ZDBF2: variants seen among roughly 807,000 people sequenced by gnomAD.
ZDBF2 encodes the protein zinc finger DBF-type containing 2.
ZDBF2 carries 6 observed loss-of-function variants against 9.4 expected under a neutral mutation model. The ratio of observed to expected loss-of-function variants is 0.64; its 90% CI spans 0.35 to 1.27. The LOEUF (loss-of-function observed/expected upper bound fraction) is 1.27. Among genes scored for constraint, ZDBF2 ranks in the 50% most tolerant of loss-of-function variants. The pLI is 0.03. For synonymous variants in ZDBF2, 905 were observed against 946.3 expected, an observed-to-expected ratio of 0.96 and a Z score of 0.80; for missense variants, 2,697 against 2,766.8, an observed-to-expected ratio of 0.97 and a Z score of 0.57.
chr2:206,283,502 G>A (rs116266227), intron 3 of ZDBF2, among the ~76,000 whole-genome samples: 1 of 151,938 alleles, frequency 6.6e-6, no homozygotes, highest in Non-Finnish European at 1.5e-5. Flanking sequence ...TTGGGCATTT[G>A]TATATCTTGT....
In ZDBF2 at chr2:206,308,706, A is replaced by G. The variant is rs1164474176; in HGVS notation, c.4178A>G (p.Glu1393Gly). ...KPVKEINLWK[E>G]DHIYLEDKSY... ...GTCAAAGAAATAAATCTTTGGAAGGAAGACCATATTTACCTGGAAGATAAG... is the reference window on the plus strand; with the variant it reads ...GTCAAAGAAATAAATCTTTGGAAGGGAGACCATATTTACCTGGAAGATAAG... The change falls in exon 5 of 5, where the codon GAA (glutamate) becomes GGA (glycine). Residue 1393 changes from glutamate to glycine, a missense_variant. Transcript: ENST00000374423. 3.1e-6 allele frequency: 5 copies of G among 1,612,858 alleles called. No individual in the cohort carries two copies. Among genetic ancestry groups the G allele is most frequent in the Non-Finnish European group, 4.2e-6 (5 of 1,179,782 alleles).
chr2:206,302,968 C>T (rs1692579610), intron 4 of ZDBF2, among the ~76,000 whole-genome samples: 1 of 152,030 alleles, frequency 6.6e-6, no homozygotes, highest in Non-Finnish European at 1.5e-5. Context: ...GGAAATAGTA[C>T]AGAGTGTGCC....
At position 206,305,457 on chromosome 2, in the gene ZDBF2, C is replaced by A. The variant is rs541984086; in HGVS notation, c.929C>A (p.Pro310Gln). The A allele has an allele frequency of 6.2e-7, 1 of 1,612,948 alleles. No individual in the cohort carries two copies. The highest frequency in any genetic ancestry group is 2.2e-5 in the East Asian group (1 of 44,866). ...VKSPSKLAVN[P>Q]NKTDMPSNKG... ...TCTCCTTCCAAATTAGCAGTAAACC[C>A]GAATAAAACTGACATGCCTTCTAAT... The change falls in exon 5 of 5, where the codon CCG (proline) becomes CAG (glutamine). Residue 310 changes from proline (P) to glutamine (Q), a missense_variant. By Grantham distance (76) the Pro-to-Gln change is moderately conservative (BLOSUM62 -1). Around this residue, in one of 3 missense-constraint regions of ZDBF2, gnomAD observed 910 missense variants for 973.6 expected, o/e 0.93. Transcript: ENST00000374423.
At position 206,308,752 on chromosome 2, in the gene ZDBF2, T is replaced by C. The variant is rs1203839889; in HGVS notation, c.4224T>C (p.Phe1408=). 7 of 1,613,600 alleles carry C rather than the reference T, an allele frequency of 4.3e-6. No homozygotes were observed. The highest frequency in any genetic ancestry group is 5.1e-6 in the Non-Finnish European group (6 of 1,179,792). Residue 1408 remains phenylalanine (F), a synonymous_variant, in exon 5 of 5, where the codon TTT becomes TTC. Coordinates refer to ENST00000374423, the MANE Select transcript of ZDBF2 (RefSeq NM_020923.3). ...ATAAGAGCTATAAATTAGGTGATTT[T>C]GATGTAAGTTATGCTTCTCATATTC... ...LEDKSYKLGD[F]DVSYASHIPV...
chr2:206,311,155 G>C lies in ZDBF2; in HGVS notation c.6627G>C (p.Glu2209Asp), dbSNP rs753390352. ...ILQQKPRKAS[E>D]KQSIWIRTKP... ...AGCAAAAACCCAGAAAAGCTTCAGA[G>C]AAACAGTCAATTTGGATTCGGACCA... The change falls in exon 5 of 5, where the codon GAG becomes GAC. Residue 2209 changes from glutamate to aspartate, a missense_variant. Around this residue, in one of 3 missense-constraint regions of ZDBF2, gnomAD observed 1,783 missense variants for 1,776.5 expected, o/e 1.00. Transcript: ENST00000374423. The C allele has an allele frequency of 8.7e-6, 14 of 1,613,024 alleles. No individual in the cohort carries two copies. The Admixed American group carries it at 1.0e-4, about 12-fold the overall frequency.
Position 206,309,071 on chromosome 2 carries a change from G to C in ZDBF2, c.4543G>C (p.Gly1515Arg), listed in dbSNP as rs770801818. ...PFQIVVNQFP[G>R]SVKETHLPKV... is the part of the protein sequence containing the mutation. ...TCAAATAGTAGTTAACCAATTTCCAGGATCAGTCAAAGAAACCCACCTTCC... is the reference window on the plus strand; with the variant it reads ...TCAAATAGTAGTTAACCAATTTCCACGATCAGTCAAAGAAACCCACCTTCC... Residue 1515 changes from glycine to arginine, a missense_variant, in exon 5 of 5, where the codon GGA becomes CGA. This residue lies in a region of ZDBF2 where 1,783 missense variants were observed against 1,776.5 expected (regional missense o/e 1.00). Coordinates refer to ENST00000374423, the MANE Select transcript of ZDBF2 (RefSeq NM_020923.3). 6.2e-7 allele frequency: 1 copy of C among 1,613,886 alleles called. No individual in the cohort carries two copies. The highest frequency in any genetic ancestry group is 2.2e-5 in the East Asian group (1 of 44,876).
At chr2:206,293,738 A>G (rs1311281914) in intron 3 of ZDBF2, among the ~76,000 whole-genome samples, 5 of 152,220 alleles carry the variant, frequency 3.3e-5, no homozygotes, top group Non-Finnish European at 5.9e-5. Flanking sequence ...AATAGCTAAA[A>G]TTAAAGAGAC....
At chr2:206,295,529 G>A (rs1342959231) in intron 3 of ZDBF2, among the ~76,000 whole-genome samples, 2 of 151,416 alleles carry the variant, frequency 1.3e-5, no homozygotes, top group African/African-American at 4.9e-5. Context: ...ACCATGCCTG[G>A]GTAATTTTTA....
At chr2:206,290,582 G>A (rs1313354942) in intron 3 of ZDBF2, among the ~76,000 whole-genome samples, 2 of 152,046 alleles carry the variant, frequency 1.3e-5, no homozygotes, top group East Asian at 1.9e-4. Context: ...AAATTTATTC[G>A]TAAGCATTTT....
rs1237033895 is a variant in ZDBF2 at position 206,307,921 on chromosome 2, C to T, written c.3393C>T (p.Pro1131=). 6.2e-7 allele frequency: 1 copy of T among 1,613,610 alleles called. No homozygotes were observed. Among genetic ancestry groups the T allele is most frequent in the South Asian group, 1.1e-5 (1 of 91,046 alleles). The change falls in exon 5 of 5, where the codon CCC becomes CCT. Residue 1131 remains proline (P), a synonymous_variant. Coordinates refer to ENST00000374423, the MANE Select transcript of ZDBF2 (RefSeq NM_020923.3). ...DVSVQSVADQ[P]KVAIKHVNLG... ...CTGTCCAATCTGTGGCTGATCAACCCAAAGTAGCTATTAAACATGTGAACC... is the reference window on the plus strand; with the variant it reads ...CTGTCCAATCTGTGGCTGATCAACCTAAAGTAGCTATTAAACATGTGAACC...
Position 206,304,699 on chromosome 2 carries a change from T to C in ZDBF2, c.189-18T>C, listed in dbSNP as rs750682601. The C allele has an allele frequency of 1.1e-5, 18 of 1,582,182 alleles. No homozygotes were observed. Among genetic ancestry groups the C allele is most frequent in the Non-Finnish European group, 1.5e-5 (17 of 1,168,072 alleles). Reference sequence around the variant, plus strand: ...AGACATTAGAATATGTTTATGAGTTTCCCCCCTTTCGTTTTAGTTCAACAC... The same window carrying C: ...AGACATTAGAATATGTTTATGAGTTCCCCCCCTTTCGTTTTAGTTCAACAC... On this transcript the variant is annotated intron_variant, in intron 4 of 4. Coordinates refer to ENST00000374423, the MANE Select transcript of ZDBF2 (RefSeq NM_020923.3).
Position 206,277,161 on chromosome 2 carries a change from T to C in ZDBF2, c.-103+2215T>C, listed in dbSNP as rs149699276. On this transcript the variant is annotated intron_variant, in intron 1 of 4. Coordinates refer to ENST00000374423, the MANE Select transcript of ZDBF2 (RefSeq NM_020923.3). Reference sequence around the variant, plus strand: ...GTTGAAAAATATGTTTTATGAGGATTGTGGGTTTTGTTAGTTCTTACCACA... The same window carrying C: ...GTTGAAAAATATGTTTTATGAGGATCGTGGGTTTTGTTAGTTCTTACCACA... Among the ~76,000 whole-genome samples, 3 of 152,268 alleles carry C rather than the reference T, an allele frequency of 2.0e-5. No individual in the cohort carries two copies. The East Asian group carries it at 5.8e-4, about 29-fold the overall frequency.
At chr2:206,275,498 T>A (rs533588137) in intron 1 of ZDBF2, among the ~76,000 whole-genome samples, 2 of 152,286 alleles carry the variant, frequency 1.3e-5, no homozygotes, top group East Asian at 3.9e-4. Flanking sequence ...CGTGCAACAG[T>A]TGTGTAAATG....
At chr2:206,284,869 C>T (rs1691519678) in intron 3 of ZDBF2, among the ~76,000 whole-genome samples, 1 of 152,142 alleles carries the variant, frequency 6.6e-6, no homozygotes, top group Non-Finnish European at 1.5e-5. Context: ...GCTGGGATTA[C>T]AAGAGTGCAC....
At position 206,313,390 on chromosome 2, in the gene ZDBF2, CACAAA is replaced by C. The variant is rs1165886144; in HGVS notation, c.*1798_*1802del. ...TTTCCTTCAACCTTGCCTCCTCATA[CACAAA>C]TATATTTTCATTTCTTAAAAGATCA... On this transcript the variant is annotated 3_prime_UTR_variant, in exon 5 of 5. Coordinates refer to ENST00000374423, the MANE Select transcript of ZDBF2 (RefSeq NM_020923.3). 3.3e-5 allele frequency: 5 copies of C among 152,146 alleles called. No homozygotes were observed. Among genetic ancestry groups the C allele is most frequent in the Admixed American group, 6.5e-5 (1 of 15,282 alleles). The allele number at this position is 152,146 out of a possible 1,614,324, so 9.4% of individuals were successfully genotyped here.
At chr2:206,282,640 C>CT (rs1403796434) in intron 3 of ZDBF2, among the ~76,000 whole-genome samples, 1 of 152,122 alleles carries the variant, frequency 6.6e-6, no homozygotes, top group Non-Finnish European at 1.5e-5. Flanking sequence ...AAATCGTCTA[C>CT]TTTGTGTTTT....
chr2:206,304,327 A>G (rs948500561), intron 4 of ZDBF2, among the ~76,000 whole-genome samples: 1 of 152,178 alleles, frequency 6.6e-6, no homozygotes, highest in Non-Finnish European at 1.5e-5. Context: ...CAATTAATTT[A>G]CTCATCAAAA....
Position 206,311,348 on chromosome 2 carries a change from G to T in ZDBF2, c.6820G>T (p.Val2274Phe), listed in dbSNP as rs764745132. 5 of 1,604,808 alleles carry T rather than the reference G, an allele frequency of 3.1e-6. No homozygotes were observed. The highest frequency in any genetic ancestry group is 1.3e-5 in the African/African-American group (1 of 74,800). Residue 2274 changes from valine to phenylalanine, a missense_variant, in exon 5 of 5, where the codon GTT (valine) becomes TTT (phenylalanine). Val to Phe is a conservative substitution (Grantham distance 50). Transcript: ENST00000374423. ...RTAKVLLNSSVPPAGAEELSS... is the reference protein window; with the variant it reads ...RTAKVLLNSSFPPAGAEELSS... ...AGCTAAAGTGCTTTTGAACTCTTCA[G>T]TTCCACCAGCTGGTGCCGAAGAGCT...
chr2:206,291,335 C>T (rs1691887370), intron 3 of ZDBF2, among the ~76,000 whole-genome samples: 1 of 152,132 alleles, frequency 6.6e-6, no homozygotes, highest in African/African-American at 2.4e-5. Flanking sequence ...GTTTACGCTC[C>T]TATGAGGATC....
Sources: gnomAD v4.1 joint callset for allele counts (sites outside exome capture counted in the v4.1 genomes callset) on GRCh38, gnomAD v4.1.1 for gene constraint, gnomAD v4.1.1 regional missense constraint, MANE v1.5 for transcripts, NCBI Gene and HGNC (gene_info 2026-07-23, HGNC 2026-07-21) for gene names.